Variants in VGLL4 observed in about 807,000 individuals in gnomAD.
VGLL4 encodes the protein transcription cofactor vestigial-like protein 4.
A neutral mutation model predicts 21.0 loss-of-function variants in VGLL4; 7 were observed. The ratio of observed to expected loss-of-function variants is 0.33; its 90% CI spans 0.19 to 0.63. The LOEUF (loss-of-function observed/expected upper bound fraction) is 0.63. Among genes scored for constraint, VGLL4 ranks in the 20% least tolerant of loss-of-function variants. VGLL4 has a pLI of 0.78. For missense variants in VGLL4, 394 were observed against 425.7 expected, an observed-to-expected ratio of 0.93 and a Z score of 0.66; for synonymous variants, 222 against 173.2, an observed-to-expected ratio of 1.28 and a Z score of -2.21.
At chr3:11,681,480 C>T (rs189749255) in intron 2 of VGLL4, among the ~76,000 whole-genome samples, 109 of 152,350 alleles carry the variant, frequency 7.2e-4, no homozygotes, top group African/African-American at 2.2e-3. Flanking sequence ...CGCTGTGATA[C>T]AGCCCGTCGG....
chr3:11,591,617 G>T (rs925750725), intron 2 of VGLL4, among the ~76,000 whole-genome samples: 2 of 152,240 alleles, frequency 1.3e-5, no homozygotes, highest in African/African-American at 4.8e-5. Flanking sequence ...GTGAAAATGA[G>T]AAAATGCCTC....
chr3:11,580,180 C>T (rs1243480872), intron 2 of VGLL4, among the ~76,000 whole-genome samples: 1 of 152,224 alleles, frequency 6.6e-6, no homozygotes, highest in Non-Finnish European at 1.5e-5. Context: ...CCCATTTCCT[C>T]CTTCTTGCAG....
chr3:11,577,841 T>C (rs745700521), intron 2 of VGLL4, among the ~76,000 whole-genome samples: 7 of 152,228 alleles, frequency 4.6e-5, no homozygotes, highest in Non-Finnish European at 8.8e-5. Flanking sequence ...AAAAATTCAA[T>C]GAATCTTATT....
rs1050262632 is a variant in VGLL4 at position 11,568,272 on chromosome 3, C to T, written c.273-3253G>A. The stretch of plus-strand genomic sequence containing the variant: ...ATGTCCTAGGGGCACGGCACAGTCA[C>T]GCAGATGACTCAGCTGCGCCTTAGG... On this transcript the variant is annotated intron_variant, in intron 2 of 4. Coordinates refer to ENST00000430365, the MANE Select transcript of VGLL4 (RefSeq NM_001128219.3). The surrounding 1 kb of genome is among the most constrained non-coding windows in gnomAD (Gnocchi z 5.9). Among the ~76,000 whole-genome samples, 5 of 152,202 alleles carry T rather than the reference C, an allele frequency of 3.3e-5. No homozygotes were observed. Among genetic ancestry groups the T allele is most frequent in the African/African-American group, 4.8e-5 (2 of 41,456 alleles).
intron 1 of VGLL4, among the ~76,000 whole-genome samples, chr3:11,603,413 T>TG (rs1293970054): frequency 6.6e-6 from 1 of 152,210 alleles, no homozygotes; most frequent in Admixed American, 6.5e-5. Context: ...AGTATGATCT[T>TG]GGTTGGCCTA....
intron 1 of VGLL4, chr3:11,604,542 C>T (rs780407430): frequency 2.1e-6 from 2 of 939,414 alleles, no homozygotes; most frequent in Non-Finnish European, 2.5e-6. Context: ...GTATGTTAGA[C>T]AAGAGTGGTA....
chr3:11,696,638 G>A (rs1407626281), intron 2 of VGLL4, among the ~76,000 whole-genome samples: 1 of 152,164 alleles, frequency 6.6e-6, no homozygotes, highest in Non-Finnish European at 1.5e-5. Context: ...TCAATGTAAG[G>A]AGCCATGACT....
intron 2 of VGLL4, among the ~76,000 whole-genome samples, chr3:11,590,212 G>A (rs1313604540): frequency 6.6e-6 from 1 of 152,128 alleles, no homozygotes; most frequent in Non-Finnish European, 1.5e-5. Flanking sequence ...TGCAGCTGAG[G>A]AAATGACTCC....
intron 2 of VGLL4, among the ~76,000 whole-genome samples, chr3:11,671,760 G>A (rs552136399): frequency 3.9e-4 from 59 of 151,648 alleles, no homozygotes; most frequent in Admixed American, 9.8e-4. Flanking sequence ...AAAATTCCAC[G>A]AAGCCAGACC....
intron 2 of VGLL4, among the ~76,000 whole-genome samples, chr3:11,700,704 A>C (rs893740313): frequency 6.6e-6 from 1 of 152,214 alleles, no homozygotes; most frequent in East Asian, 1.9e-4. Context: ...CTCAGAAGAC[A>C]TCCCCGACAC....
chr3:11,705,105 G>T (rs2076739751), intron 1 of VGLL4, among the ~76,000 whole-genome samples: 1 of 152,210 alleles, frequency 6.6e-6, no homozygotes, highest in African/African-American at 2.4e-5. Flanking sequence ...TGAGGGCTTC[G>T]ATGGGACCGC....
chr3:11,707,302 T>G (rs1490820126), intron 1 of VGLL4, among the ~76,000 whole-genome samples: 1 of 120,314 alleles, frequency 8.3e-6, no homozygotes, highest in East Asian at 2.6e-4. Flanking sequence ...CACTCCAGCC[T>G]GGGCAACAGA....
intron 1 of VGLL4, among the ~76,000 whole-genome samples, chr3:11,617,609 G>A (rs758063999): frequency 1.1e-4 from 16 of 152,204 alleles, no homozygotes; most frequent in Non-Finnish European, 1.8e-4. Flanking sequence ...CAGAGAGCTG[G>A]TATTCCAGCT....
chr3:11,619,753 T>C (rs1285384681), intron 1 of VGLL4, among the ~76,000 whole-genome samples: 1 of 152,086 alleles, frequency 6.6e-6, no homozygotes, highest in Admixed American at 6.6e-5. Context: ...CTCCCACCCA[T>C]ACACAGAACC....
chr3:11,680,645 A>G (rs1250895482), intron 2 of VGLL4, among the ~76,000 whole-genome samples: 2 of 152,172 alleles, frequency 1.3e-5, no homozygotes, highest in Admixed American at 1.3e-4. Context: ...CAACTTCCTG[A>G]GTAACATTCC....
rs1297999959 is a variant in VGLL4 at position 11,635,377 on chromosome 3, G to A, written c.82+8060C>T. On this transcript the variant is annotated intron_variant, in intron 1 of 4. Coordinates refer to ENST00000430365, the MANE Select transcript of VGLL4 (RefSeq NM_001128219.3). ...TATCAGAACAGAAAGAGATCTGTGAGCACCAACAGAACAATCTGCCTTCAT... is the reference window on the plus strand; with the variant it reads ...TATCAGAACAGAAAGAGATCTGTGAACACCAACAGAACAATCTGCCTTCAT... Among the ~76,000 whole-genome samples, 2 of 152,212 alleles carry A rather than the reference G, an allele frequency of 1.3e-5. 1 individual carries two copies. The highest frequency in any genetic ancestry group is 1.3e-4 in the Admixed American group (2 of 15,288).
At position 11,558,475 on chromosome 3, in the gene VGLL4, ATTTTTT is replaced by A. The variant is rs369629845; in HGVS notation, c.*75_*80del. On this transcript the variant is annotated 3_prime_UTR_variant, in exon 5 of 5. Coordinates refer to ENST00000430365, the MANE Select transcript of VGLL4 (RefSeq NM_001128219.3). ...CCCTTCCCCCCACCCCACCCCCATGATTTTTTTTTTTTTAAGTACTGACTGTTCAAA... is the reference window on the plus strand; with the variant it reads ...CCCTTCCCCCCACCCCACCCCCATGATTTTTTTAAGTACTGACTGTTCAAA... 2.8e-5 allele frequency: 22 copies of A among 790,072 alleles called. No individual in the cohort carries two copies. Among genetic ancestry groups the A allele is most frequent in the African/African-American group, 4.1e-5 (2 of 49,088 alleles). The allele number at this position is 790,072 out of a possible 1,614,324, so 48.9% of individuals were successfully genotyped here.
chr3:11,562,647 C>T (rs1429578591), intron 3 of VGLL4, among the ~76,000 whole-genome samples: 1 of 152,246 alleles, frequency 6.6e-6, no homozygotes, highest in Non-Finnish European at 1.5e-5. Context: ...ATGGCCTCAG[C>T]CCCGCCACGC....
intron 2 of VGLL4, among the ~76,000 whole-genome samples, chr3:11,572,484 C>T (rs190747755): frequency 3.2e-3 from 480 of 152,316 alleles, no homozygotes; most frequent in Admixed American, 5.4e-3. Flanking sequence ...ATGATGAAAG[C>T]AGCAGAACAT....
Sources: gnomAD v4.1 joint callset for allele counts (sites outside exome capture counted in the v4.1 genomes callset) on GRCh38, gnomAD v4.1.1 for gene constraint, Gnocchi (gnomAD v3.1) non-coding constraint, MANE v1.5 for transcripts, NCBI Gene and HGNC (gene_info 2026-07-23, HGNC 2026-07-21) for gene names.